SRFBP1: variants seen among roughly 807,000 people sequenced by gnomAD.
SRFBP1 encodes the protein serum response factor-binding protein 1.
SRFBP1 carries 47 observed loss-of-function variants against 45.5 expected under a neutral mutation model. That is an observed-to-expected ratio of 1.03 (90% CI 0.82 to 1.32). The LOEUF (loss-of-function observed/expected upper bound fraction) is 1.32. SRFBP1 is among the 40% of genes most tolerant of loss of function. SRFBP1 has a pLI of 0.00. For synonymous variants in SRFBP1, 203 were observed against 166.3 expected (o/e 1.22, Z -1.70); for missense variants, 621 against 484.6 (o/e 1.28, Z -2.64).
At chr5:122,008,643 C>T (rs1753025646) in intron 4 of SRFBP1, among the ~76,000 whole-genome samples, 1 of 152,024 alleles carries the variant, frequency 6.6e-6, no homozygotes, top group East Asian at 1.9e-4. Context: ...CATCTGGTTT[C>T]GTTAGCTCTT....
chr5:122,077,740 G>C, downstream of SRFBP1: 1 of 1,569,836 alleles, frequency 6.4e-7, no homozygotes. The surrounding 1 kb of genome is among the most constrained non-coding windows in gnomAD (Gnocchi z 4.9). Context: ...GCTGGGCGGA[G>C]GCGTTGGCTG....
chr5:122,010,550 A>G (rs902330779), intron 4 of SRFBP1, among the ~76,000 whole-genome samples: 4 of 152,100 alleles, frequency 2.6e-5, no homozygotes, highest in Admixed American at 6.6e-5. Context: ...AGCTGCAGAT[A>G]CCCCTACTAC....
intron 4 of SRFBP1, among the ~76,000 whole-genome samples, chr5:122,009,611 A>G (rs1330443591): frequency 6.6e-6 from 1 of 152,156 alleles, no homozygotes; most frequent in African/African-American, 2.4e-5. Flanking sequence ...GTTCTTGGTA[A>G]GTTTTCCGAG....
intron 6 of SRFBP1, 137 bp from the exon 7 acceptor site, chr5:122,022,233 T>G: frequency 1.5e-6 from 1 of 648,320 alleles, no homozygotes; most frequent in Non-Finnish European, 2.6e-6. Flanking sequence ...CTTTCATAAT[T>G]ATTTTATTGT....
At chr5:122,074,633 C>T (rs1015337338) in intron 2 of SRFBP1, among the ~76,000 whole-genome samples, 1 of 152,146 alleles carries the variant, frequency 6.6e-6, no homozygotes, top group African/African-American at 2.4e-5. Context: ...AGGGAGAACT[C>T]ATGGCATGTT....
At chr5:121,967,094 A>G (rs959361896) in intron 1 of SRFBP1, among the ~76,000 whole-genome samples, 9 of 151,966 alleles carry the variant, frequency 5.9e-5, no homozygotes, top group African/African-American at 2.2e-4. Flanking sequence ...CGCCTGGCCT[A>G]TTTTATTGTT....
At chr5:121,999,171 T>A (rs1240120285) in intron 4 of SRFBP1, among the ~76,000 whole-genome samples, 1 of 152,198 alleles carries the variant, frequency 6.6e-6, no homozygotes, top group Admixed American at 6.5e-5. Context: ...TTTGTTATGC[T>A]GTATTTTCTT....
In SRFBP1 at chr5:122,020,453, G is replaced by C; in HGVS notation, c.718G>C (p.Asp240His). 6.2e-7 allele frequency: 1 copy of C among 1,614,128 alleles called. No homozygotes were observed. ...LSQTKKNKGS[D>H]SSLSGNSDGG... ...TCAAACCAAAAAAAACAAAGGATCT[G>C]ATAGCTCACTCTCTGGTAACAGTGA... The change falls in exon 6 of 8, where the codon GAT becomes CAT. Residue 240 changes from aspartate to histidine, a missense_variant. Physicochemically the swap from Asp to His is moderately conservative, Grantham distance 81. Coordinates refer to ENST00000339397, the MANE Select transcript of SRFBP1 (RefSeq NM_152546.3).
At chr5:121,983,964 C>G (rs1306158663) in intron 3 of SRFBP1, among the ~76,000 whole-genome samples, 1 of 151,750 alleles carries the variant, frequency 6.6e-6, no homozygotes, top group Admixed American at 6.6e-5. Context: ...CAGTTGACCC[C>G]TGTCATCGTG....
downstream of SRFBP1, chr5:122,076,779 C>A: frequency 1.2e-6 from 1 of 846,864 alleles, no homozygotes; most frequent in Admixed American, 2.1e-5. Flanking sequence ...CTTCCCAGCT[C>A]TTGTCCCACT....
chr5:122,063,429 G>T (rs933996489), intron 2 of SRFBP1: 11 of 151,826 alleles, frequency 7.2e-5, no homozygotes, highest in Admixed American at 5.9e-4. Flanking sequence ...TTAGTTTATA[G>T]CAAGCAGTTT....
At chr5:122,071,783 C>G (rs1351941217) in intron 2 of SRFBP1, among the ~76,000 whole-genome samples, 1 of 152,124 alleles carries the variant, frequency 6.6e-6, no homozygotes, top group African/African-American at 2.4e-5. Context: ...ACTTTGGTCA[C>G]CCAAGAGACA....
rs1280792604 is a variant in SRFBP1, at chr5:122,047,096, A to C, written n.311+24689A>C. On this transcript the variant is annotated intron_variant and non_coding_transcript_variant, in intron 2 of 2. Transcript: ENST00000504881. The stretch of plus-strand genomic sequence containing the variant: ...TTGGCTTTTGTTGCCATTGCTTTTG[A>C]TGTTTTAGACATGAAGTCCTTGCCC... Among the ~76,000 whole-genome samples, 5 of 152,046 alleles carry C rather than the reference A, an allele frequency of 3.3e-5. No homozygotes were observed. In the South Asian group the frequency reaches 1.0e-3, roughly 32 times the overall value.
At chr5:121,988,143 T>C (rs957457070) in intron 3 of SRFBP1, among the ~76,000 whole-genome samples, 3 of 152,208 alleles carry the variant, frequency 2.0e-5, no homozygotes, top group African/African-American at 7.2e-5. Flanking sequence ...ATGAATAATA[T>C]TAGTTTAACA....
At chr5:121,991,510 T>G (rs986433185) in intron 3 of SRFBP1, among the ~76,000 whole-genome samples, 2 of 152,150 alleles carry the variant, frequency 1.3e-5, no homozygotes, top group Non-Finnish European at 2.9e-5. Context: ...AAATTTTCTG[T>G]AATCTTTGAA....
In SRFBP1 at chr5:122,022,305, T is replaced by C. The variant is rs1194396946; in HGVS notation, c.1068-65T>C. Reference sequence around the variant, plus strand: ...ATTAGTTTTATCATCAATTTTGTTATGTTTTTTTCTTAAGATCAGAGGATT... The same window carrying C: ...ATTAGTTTTATCATCAATTTTGTTACGTTTTTTTCTTAAGATCAGAGGATT... On this transcript the variant is annotated intron_variant, in intron 6 of 7. Coordinates refer to ENST00000339397, the MANE Select transcript of SRFBP1 (RefSeq NM_152546.3). 37 of 1,395,514 alleles carry C rather than the reference T, an allele frequency of 2.7e-5. 1 individual carries two copies. The highest frequency in any genetic ancestry group is 2.6e-4 in the South Asian group (21 of 80,354). The allele number at this position is 1,395,514 out of a possible 1,614,324, so 86.4% of individuals were successfully genotyped here. A position where few individuals can be genotyped will look rare whatever the true frequency, so the allele number is the denominator to read the frequency against.
chr5:121,978,035 A>G (rs952623352), intron 3 of SRFBP1, among the ~76,000 whole-genome samples: 4 of 152,188 alleles, frequency 2.6e-5, no homozygotes, highest in African/African-American at 9.6e-5. Flanking sequence ...TAGATCAGTA[A>G]GTTACTTAAC....
intron 3 of SRFBP1, among the ~76,000 whole-genome samples, chr5:121,981,553 CTTTTTT>C (rs71623244): frequency 7.4e-6 from 1 of 134,728 alleles, no homozygotes; most frequent in Non-Finnish European, 1.6e-5. Context: ...TACCCTGTAC[CTTTTTT>C]TTTTTTTTTT....
chr5:121,986,191 A>G (rs1321515825), intron 3 of SRFBP1, among the ~76,000 whole-genome samples: 1 of 151,960 alleles, frequency 6.6e-6, no homozygotes, highest in Non-Finnish European at 1.5e-5. Flanking sequence ...AAATGAAGAT[A>G]GAGTATCAAG....
Sources: allele counts gnomAD v4.1 joint callset (sites outside exome capture counted in the v4.1 genomes callset), GRCh38; gene constraint gnomAD v4.1.1; non-coding constraint Gnocchi (gnomAD v3.1); transcripts MANE v1.5; gene names NCBI Gene and HGNC (gene_info 2026-07-23, HGNC 2026-07-21).